Variants in GPHN observed in about 807,000 individuals in gnomAD.
GPHN encodes gephyrin.
In GPHN, 17 loss-of-function variants were observed where a neutral mutation model predicts 95.5. The observed-to-expected ratio is 0.18, with a 90% CI of 0.12 to 0.27. The LOEUF is 0.27. GPHN is among the 10% of genes least tolerant of loss of function. The probability of loss-of-function intolerance (pLI) is 1.00; values close to 1 mark genes in which losing one functional copy is unlikely to be tolerated. For synonymous variants in GPHN, 320 were observed against 322.5 expected, an observed-to-expected ratio of 0.99 and a Z score of 0.08; for missense variants, 660 against 978.1, an observed-to-expected ratio of 0.67 and a Z score of 4.34.
chr14:67,172,294 G>A (rs1418859043), intron 21 of GPHN, among the ~76,000 whole-genome samples: 1 of 152,096 alleles, frequency 6.6e-6, no homozygotes, highest in Non-Finnish European at 1.5e-5. Context: ...GCCATATACG[G>A]CCTCCTAGGA....
chr14:67,711,107 TA>T, the GPHN span, among the ~76,000 whole-genome samples: 1 of 152,328 alleles, frequency 6.6e-6, no homozygotes, highest in Non-Finnish European at 1.5e-5. Flanking sequence ...ACAAAGACGA[TA>T]ACAAACCTTA....
the GPHN span, among the ~76,000 whole-genome samples, chr14:67,219,715 A>G: frequency 4.9e-4 from 74 of 152,352 alleles, no homozygotes; most frequent in African/African-American, 1.7e-3. Context: ...TTTTAAAGCT[A>G]TAAAAGATCT....
chr14:67,553,216 C>T, the GPHN span, among the ~76,000 whole-genome samples: 1 of 152,232 alleles, frequency 6.6e-6, no homozygotes, highest in Non-Finnish European at 1.5e-5. Flanking sequence ...ATGCCTTCTT[C>T]TGAGCTACAG....
At chr14:67,528,126 G>C in the GPHN span, among the ~76,000 whole-genome samples, 1 of 152,162 alleles carries the variant, frequency 6.6e-6, no homozygotes, top group South Asian at 2.1e-4. Flanking sequence ...GGTGAGGTAG[G>C]GCTGGGAGAC....
intron 1 of GPHN, among the ~76,000 whole-genome samples, chr14:66,616,618 G>A (rs148006378): frequency 9.2e-4 from 140 of 152,224 alleles, no homozygotes; most frequent in African/African-American, 3.2e-3. Context: ...ACCTTGAGGG[G>A]CACCAGCCTA....
chr14:67,580,022 C>T, the GPHN span: 20,250 of 727,112 alleles, frequency 0.028, 712 homozygotes, highest in African/African-American at 0.13. Flanking sequence ...CATTTCTGTG[C>T]CATCCTAAAA....
the GPHN span, chr14:67,199,953 A>G: frequency 2.1e-5 from 27 of 1,314,168 alleles, no homozygotes; most frequent in Non-Finnish European, 2.7e-5. Context: ...CATTCCCACC[A>G]GGAGGAGTGC....
intron 2 of GPHN, among the ~76,000 whole-genome samples, chr14:66,750,310 A>T (rs954976739): frequency 1.3e-5 from 2 of 151,802 alleles, no homozygotes; most frequent in African/African-American, 2.4e-5. Flanking sequence ...GTCTTTTAAG[A>T]TTCTGAGTTC....
chr14:66,951,620 C>CAAG (rs1440671934), intron 8 of GPHN, among the ~76,000 whole-genome samples: 1 of 149,776 alleles, frequency 6.7e-6, no homozygotes, highest in African/African-American at 2.5e-5. Flanking sequence ...TAGTGTTGAA[C>CAAG]AAGAAAAAGA....
chr14:67,149,575 A>G (rs1286908559), intron 18 of GPHN, among the ~76,000 whole-genome samples: 1 of 152,240 alleles, frequency 6.6e-6, no homozygotes, highest in African/African-American at 2.4e-5. Context: ...CCTTAAGAAA[A>G]AAATATTATT....
At chr14:67,329,733 T>A in the GPHN span, among the ~76,000 whole-genome samples, 1 of 151,924 alleles carries the variant, frequency 6.6e-6, no homozygotes, top group Non-Finnish European at 1.5e-5. Context: ...ACAAAAAACA[T>A]TAGCCAGGCA....
At chr14:67,379,998 C>G in the GPHN span, among the ~76,000 whole-genome samples, 1 of 151,922 alleles carries the variant, frequency 6.6e-6, no homozygotes, top group African/African-American at 2.4e-5. Flanking sequence ...CTCCAGTGAT[C>G]CCCCTGCCTC....
the GPHN span, among the ~76,000 whole-genome samples, chr14:67,555,238 A>T: frequency 1.2e-4 from 19 of 152,186 alleles, no homozygotes; most frequent in Middle Eastern, 3.2e-3. Context: ...AATTTTGAAA[A>T]ATGTATCTTG....
the GPHN span, chr14:67,343,466 A>C: frequency 6.8e-7 from 1 of 1,476,868 alleles, no homozygotes. Context: ...TAATAATGTA[A>C]GCACAAAGTC....
At chr14:67,150,182 C>G (rs1351439874) in intron 18 of GPHN, among the ~76,000 whole-genome samples, 1 of 151,868 alleles carries the variant, frequency 6.6e-6, no homozygotes, top group Non-Finnish European at 1.5e-5. Flanking sequence ...GTGGCTCACG[C>G]CTGTAATCCC....
At chr14:67,513,816 C>T in the GPHN span, among the ~76,000 whole-genome samples, 2 of 152,182 alleles carry the variant, frequency 1.3e-5, no homozygotes, top group Non-Finnish European at 2.9e-5. Context: ...AAGGGCTATC[C>T]TGCCACAGGA....
chr14:67,397,668 G>A, the GPHN span: 4 of 1,611,098 alleles, frequency 2.5e-6, no homozygotes, highest in Non-Finnish European at 3.4e-6. Context: ...TTACCGGTCG[G>A]TTTTCATACT....
the GPHN span, among the ~76,000 whole-genome samples, chr14:67,723,731 T>C: frequency 6.6e-6 from 1 of 152,186 alleles, no homozygotes; most frequent in Non-Finnish European, 1.5e-5. Flanking sequence ...AAATTACATA[T>C]GGAAAGTGCC....
chr14:67,079,256 T>G (rs1338678241), intron 11 of GPHN, among the ~76,000 whole-genome samples: 1 of 152,122 alleles, frequency 6.6e-6, no homozygotes, highest in Non-Finnish European at 1.5e-5. Context: ...TTCAGACATG[T>G]GTAGCCATCA....
Sources: gnomAD v4.1 joint callset for allele counts (sites outside exome capture counted in the v4.1 genomes callset) on GRCh38, gnomAD v4.1.1 for gene constraint, MANE v1.5 for transcripts, NCBI Gene and HGNC (gene_info 2026-07-23, HGNC 2026-07-21) for gene names.